Variants in PCDHGA2 observed in about 807,000 individuals in gnomAD.
PCDHGA2 encodes protocadherin gamma subfamily A, 2.
A neutral mutation model predicts 59.2 loss-of-function variants in PCDHGA2; 40 were observed. The ratio of observed to expected loss-of-function variants is 0.68; its 90% confidence interval spans 0.52 to 0.88. The LOEUF is 0.88. PCDHGA2 is among the 40% of genes least tolerant of loss of function. PCDHGA2 has a pLI of 0.00. For missense variants in PCDHGA2, 1,226 were observed against 1,204.0 expected (o/e 1.02, Z -0.27); for synonymous variants, 560 against 526.0 (o/e 1.06, Z -0.89).
chr5:141,399,528 C>T (rs749580875), intron 1 of PCDHGA2: 10 of 1,613,928 alleles, frequency 6.2e-6, no homozygotes, highest in Non-Finnish European at 7.6e-6. Context: ...GGGCCTCCAT[C>T]GCGCAAGTCT....
intron 1 of PCDHGA2, chr5:141,374,263 G>A: frequency 6.2e-7 from 1 of 1,614,016 alleles, no homozygotes; most frequent in Non-Finnish European, 8.5e-7. Flanking sequence ...AGGAGTTGGC[G>A]GAGCACGGAG....
chr5:141,372,772 A>C (rs1359362991), intron 1 of PCDHGA2: 2 of 1,611,080 alleles, frequency 1.2e-6, no homozygotes, highest in Non-Finnish European at 1.7e-6. Flanking sequence ...AGTAATGACA[A>C]TCCAGAAATG....
rs1018097924 is a variant in PCDHGA2 at position 141,413,435 on chromosome 5, G to C, written c.2424+72040G>C. Reference sequence around the variant, plus strand: ...TTCTCTCTGAACCCGCGCAGCGGCAGCTTGATCACCGCGGGCAGGATAGAC... The same window carrying C: ...TTCTCTCTGAACCCGCGCAGCGGCACCTTGATCACCGCGGGCAGGATAGAC... On this transcript the variant is annotated intron_variant, in intron 1 of 3. Transcript: ENST00000394576. The C allele has an allele frequency of 6.2e-6, 10 of 1,614,004 alleles. No homozygotes were observed. The Admixed American group carries it at 1.7e-4, about 27-fold the overall frequency.
chr5:141,431,976 C>T lies in PCDHGA2; in HGVS notation c.2425-62831C>T, dbSNP rs2097433306. ...TACGGAAATTACTATAGTTTAGTCACAGACATAGTCTTGGATAGGGAACAG... is the reference window on the plus strand; with the variant it reads ...TACGGAAATTACTATAGTTTAGTCATAGACATAGTCTTGGATAGGGAACAG... On this transcript the variant is annotated intron_variant, in intron 1 of 3. Transcript: ENST00000394576. This position sits in a 1 kb window ranked among gnomAD's most constrained non-coding sequence, Gnocchi z 4.8. 6.2e-7 allele frequency: 1 copy of T among 1,614,078 alleles called. No individual in the cohort carries two copies. The highest frequency in any genetic ancestry group is 1.3e-5 in the African/African-American group (1 of 74,934).
At chr5:141,386,621 G>T (rs780529864) in intron 1 of PCDHGA2, among the ~76,000 whole-genome samples, 1 of 151,474 alleles carries the variant, frequency 6.6e-6, no homozygotes, top group Non-Finnish European at 1.5e-5. Flanking sequence ...ATGGAGTCTC[G>T]CTCTGTCACC....
In PCDHGA2 at chr5:141,485,872, G is replaced by A; in HGVS notation, c.2425-8935G>A. ...CCGCAGAGCTCCGGGTATCCGTGCT[G>A]GACGTAAACGACAACGCCCCAGCCT... On this transcript the variant is annotated intron_variant, in intron 1 of 3. Transcript: ENST00000394576. The surrounding 1 kb of genome is among the most constrained non-coding windows in gnomAD (Gnocchi z 5.7). 1 of 1,614,170 alleles carries A rather than the reference G, an allele frequency of 6.2e-7. No homozygotes were observed. The highest frequency in any genetic ancestry group is 2.2e-5 in the East Asian group (1 of 44,876).
chr5:141,413,010 C>A, intron 1 of PCDHGA2: 1 of 640,210 alleles, frequency 1.6e-6, no homozygotes. Flanking sequence ...AGGGCTTCAA[C>A]TACACAAGCC....
chr5:141,460,959 A>G (rs892536901), intron 1 of PCDHGA2, among the ~76,000 whole-genome samples: 2 of 126,082 alleles, frequency 1.6e-5, no homozygotes, highest in African/African-American at 7.1e-5. Context: ...ATGTATATAT[A>G]TATGTGTGTG....
chr5:141,340,226 A>T lies in PCDHGA2; in HGVS notation c.1255A>T (p.Asn419Tyr), dbSNP rs757697109. 6.2e-7 allele frequency: 1 copy of T among 1,614,118 alleles called. No individual in the cohort carries two copies. Among genetic ancestry groups the T allele is most frequent in the Admixed American group, 1.7e-5 (1 of 60,020 alleles). The part of the protein sequence containing the change: ...ALDREQFSFY[N>Y]ITLTAKDGGN... ...TGACAGGGAACAGTTTTCCTTTTAC[A>T]ACATCACTCTAACCGCTAAAGATGG... The change falls in exon 1 of 4, where the codon AAC becomes TAC. Residue 419 changes from asparagine (N) to tyrosine (Y), a missense_variant. Asn to Tyr is a moderately radical substitution (Grantham distance 143). Transcript: ENST00000394576.
At chr5:141,438,883 C>T (rs1026043786) in intron 1 of PCDHGA2, among the ~76,000 whole-genome samples, 4 of 151,728 alleles carry the variant, frequency 2.6e-5, no homozygotes, top group Non-Finnish European at 5.9e-5. Context: ...CCAGGCTGCT[C>T]TTGAACTCCT....
intron 1 of PCDHGA2, among the ~76,000 whole-genome samples, chr5:141,455,902 TA>T (rs2098836291): frequency 6.7e-6 from 1 of 149,860 alleles, no homozygotes. Context: ...TTTATTTATT[TA>T]TTTATTTATT....
chr5:141,500,835 A>G (rs965204931), intron 2 of PCDHGA2, among the ~76,000 whole-genome samples: 13 of 152,118 alleles, frequency 8.5e-5, no homozygotes, highest in African/African-American at 3.1e-4. Context: ...TCTAATGCTA[A>G]TGGGCTTTTG....
chr5:141,485,106 T>C lies in PCDHGA2; in HGVS notation c.2425-9701T>C, dbSNP rs2099607051. The C allele has an allele frequency of 3.3e-6, 4 of 1,206,448 alleles. No homozygotes were observed. Among genetic ancestry groups the C allele is most frequent in the Non-Finnish European group, 4.8e-6 (4 of 828,284 alleles). 74.7% of individuals were successfully genotyped at this position (1,206,448 alleles called of 1,614,324 possible). ...GGGAGATAGGTGTCTCCAGCTGCTGTGGCTGTTTGGGGCGGGTCGGCTTCA... is the reference window on the plus strand; with the variant it reads ...GGGAGATAGGTGTCTCCAGCTGCTGCGGCTGTTTGGGGCGGGTCGGCTTCA... On this transcript the variant is annotated intron_variant, in intron 1 of 3. Coordinates refer to ENST00000394576, the MANE Select transcript of PCDHGA2 (RefSeq NM_018915.4). This position sits in a 1 kb window ranked among gnomAD's most constrained non-coding sequence, Gnocchi z 5.7.
chr5:141,350,545 G>T, intron 1 of PCDHGA2: 1 of 1,614,032 alleles, frequency 6.2e-7, no homozygotes, highest in Non-Finnish European at 8.5e-7. Flanking sequence ...TTTGCGGAAG[G>T]AAACTTGAGT....
At position 141,339,623 on chromosome 5, in the gene PCDHGA2, G is replaced by A. The variant is rs779983817; in HGVS notation, c.652G>A (p.Gly218Ser). 1.2e-6 allele frequency: 2 copies of A among 1,614,072 alleles called. No homozygotes were observed. The highest frequency in any genetic ancestry group is 3.3e-5 in the Admixed American group (2 of 60,012). Residue 218 changes from glycine (G) to serine (S), a missense_variant, in exon 1 of 4, where the codon GGT becomes AGT. By Grantham distance (56) the Gly-to-Ser change is moderately conservative (BLOSUM62 0). Coordinates refer to ENST00000394576, the MANE Select transcript of PCDHGA2 (RefSeq NM_018915.4). The stretch of plus-strand genomic sequence containing the variant: ...CCTCGTTCTCGTGGCTTCTGATGGG[G>A]GTGACCCAGTGCTATCTGGCACCTC... Reference protein sequence around the residue: ...HHLVLVASDGGDPVLSGTSRI... With the variant: ...HHLVLVASDGSDPVLSGTSRI...
chr5:141,360,495 A>G, intron 1 of PCDHGA2: 1 of 1,613,988 alleles, frequency 6.2e-7, no homozygotes, highest in Non-Finnish European at 8.5e-7. Context: ...TCTACATAGC[A>G]GTAATTGTGC....
chr5:141,426,375 G>A, intron 1 of PCDHGA2: 2 of 216,424 alleles, frequency 9.2e-6, no homozygotes, highest in South Asian at 7.8e-5. Flanking sequence ...GGGCACCCTC[G>A]GAGCAGATCC....
At chr5:141,394,850 G>GC in intron 1 of PCDHGA2, 1 of 1,613,820 alleles carries the variant, frequency 6.2e-7, no homozygotes. Flanking sequence ...GCAGTCTGAA[G>GC]CCTTCGGTCG....
chr5:141,418,270 A>T, intron 1 of PCDHGA2: 1 of 1,614,052 alleles, frequency 6.2e-7, no homozygotes. Context: ...GGAAAGATGA[A>T]ATAAACTTAG....
Sources: gnomAD v4.1 joint callset for allele counts (sites outside exome capture counted in the v4.1 genomes callset) on GRCh38, gnomAD v4.1.1 for gene constraint, Gnocchi (gnomAD v3.1) non-coding constraint, MANE v1.5 for transcripts, NCBI Gene and HGNC (gene_info 2026-07-23, HGNC 2026-07-21) for gene names.